PDS5A: variants seen among roughly 807,000 people sequenced by gnomAD.
PDS5A encodes the protein PDS5 cohesin associated factor A.
In PDS5A, 42 loss-of-function variants were observed where a neutral mutation model predicts 167.1. The ratio of observed to expected loss-of-function variants is 0.25; its 90% CI spans 0.20 to 0.33. The LOEUF is 0.33. Among genes scored for constraint, PDS5A ranks in the 10% least tolerant of loss-of-function variants. The probability of loss-of-function intolerance (pLI) is 1.00; values close to 1 mark genes in which losing one functional copy is unlikely to be tolerated. For synonymous variants in PDS5A, 553 were observed against 554.6 expected (o/e 1.00, Z 0.04); for missense variants, 1,033 against 1,605.9 (o/e 0.64, Z 6.10).
rs529889514 is a variant in PDS5A at position 39,837,481 on chromosome 4, T to C, written c.4010+375A>G. Reference sequence around the variant, plus strand: ...ATTAAAGAGTGGGACCTATTACCTATTGACATTTCGTGACTGTTTTCTCCA... The same window carrying C: ...ATTAAAGAGTGGGACCTATTACCTACTGACATTTCGTGACTGTTTTCTCCA... On this transcript the variant is annotated intron_variant, in intron 32 of 32. Transcript: ENST00000303538. 1.8e-4 allele frequency: 36 copies of C among 196,572 alleles called. 1 individual carries two copies. In the South Asian group the frequency reaches 3.2e-3, roughly 18 times the overall value. 12.2% of individuals were successfully genotyped at this position (196,572 alleles called of 1,614,324 possible). A position where few individuals can be genotyped will look rare whatever the true frequency, so the allele number is the denominator to read the frequency against.
At chr4:39,973,191 GGCTTGTAATATA>G (rs1324886453) in intron 2 of PDS5A, 1 of 1,173,642 alleles carries the variant, frequency 8.5e-7, no homozygotes, top group African/African-American at 1.5e-5. Context: ...TAGCTTGGTG[GGCTTGTAATATA>G]GCTAGCTTCA....
chr4:39,862,783 T>C (rs937384639), intron 25 of PDS5A, 86 bp downstream of exon 25: 2 of 779,056 alleles, frequency 2.6e-6, no homozygotes, highest in South Asian at 3.4e-5. Context: ...TAAACTATAA[T>C]AGAAACACAT....
At chr4:39,923,916 A>G (rs1467307681) in intron 5 of PDS5A, among the ~76,000 whole-genome samples, 1 of 152,166 alleles carries the variant, frequency 6.6e-6, no homozygotes, top group Admixed American at 6.6e-5. Context: ...TTAACTCACC[A>G]ATACTGAAAA....
At chr4:39,838,953 A>ACT (rs757169569) in intron 31 of PDS5A, among the ~76,000 whole-genome samples, 2 of 151,966 alleles carry the variant, frequency 1.3e-5, no homozygotes, top group Non-Finnish European at 2.9e-5. Context: ...GCACCATTGT[A>ACT]CTCCAGCCTG....
intron 2 of PDS5A, among the ~76,000 whole-genome samples, chr4:39,968,455 A>T (rs112588122): frequency 0.038 from 5,527 of 145,778 alleles, 348 homozygotes; most frequent in African/African-American, 0.13. Flanking sequence ...TTTTTGAGAC[A>T]GAGTTTCACT....
intron 26 of PDS5A, among the ~76,000 whole-genome samples, chr4:39,851,091 C>G (rs1276263794): frequency 1.3e-5 from 2 of 152,118 alleles, no homozygotes; most frequent in Admixed American, 6.5e-5. Context: ...GTTGTCAACT[C>G]TACTTAGATA....
chr4:39,842,127 A>G, intron 30 of PDS5A, 71 bp from the exon 31 acceptor site: 3 of 971,810 alleles, frequency 3.1e-6, no homozygotes, highest in African/African-American at 3.2e-5. Context: ...CCGTACCAAT[A>G]AAGAAAGGCT....
At chr4:39,848,706 G>A in intron 28 of PDS5A, 145 bp downstream of exon 28, 1 of 665,844 alleles carries the variant, frequency 1.5e-6, no homozygotes. Context: ...TCAGGGCTGT[G>A]TAAGACAATT....
At chr4:39,885,315 A>G (rs1182619331) in intron 17 of PDS5A, among the ~76,000 whole-genome samples, 2 of 148,696 alleles carry the variant, frequency 1.3e-5, no homozygotes, top group Non-Finnish European at 3.0e-5. Context: ...AGAAGAGAAA[A>G]AAAACTTCGG....
intron 28 of PDS5A, chr4:39,847,381 T>A (rs1397378656): frequency 6.6e-6 from 1 of 152,098 alleles, no homozygotes; most frequent in Non-Finnish European, 1.5e-5. Context: ...TGGAGGTGGG[T>A]TGATCACTTG....
At chr4:39,931,675 C>A (rs1362472081) in intron 2 of PDS5A, among the ~76,000 whole-genome samples, 1 of 152,122 alleles carries the variant, frequency 6.6e-6, no homozygotes, top group African/African-American at 2.4e-5. Context: ...CAGTCTTTTA[C>A]GACCTAACCT....
chr4:39,966,762 C>T (rs1479153364), intron 2 of PDS5A, among the ~76,000 whole-genome samples: 2 of 152,190 alleles, frequency 1.3e-5, no homozygotes, highest in East Asian at 1.9e-4. Flanking sequence ...CTTTGGGAGG[C>T]CAAGCTGGGT....
intron 2 of PDS5A, among the ~76,000 whole-genome samples, chr4:39,930,246 A>AAAAAAAAT: frequency 2.1e-5 from 2 of 93,084 alleles, no homozygotes; most frequent in African/African-American, 3.7e-5. Context: ...AAAAAAAAAA[A>AAAAAAAAT]GTTTTTTTGT....
rs141106155 is a variant in PDS5A at position 39,949,056 on chromosome 4, T to C, written c.139-20892A>G. Among the ~76,000 whole-genome samples the C allele has an allele frequency of 4.7e-3, 711 of 151,818 alleles. 8 individuals are homozygous for C. The highest frequency in any genetic ancestry group is 0.016 in the African/African-American group (671 of 41,384). ...GCTCACACCTGTAATCACAGTACTT[T>C]GGGAGACCAAGGCCAGAGATCACCT... On this transcript the variant is annotated intron_variant, in intron 2 of 32. Coordinates refer to ENST00000303538, the MANE Select transcript of PDS5A (RefSeq NM_001100399.2).
At position 39,881,278 on chromosome 4, in the gene PDS5A, C is replaced by T. The variant is rs191309899; in HGVS notation, c.1887-1445G>A. The stretch of plus-strand genomic sequence containing the variant: ...AATAATAATGAGTATACGGATATCC[C>T]TGATAAACTTATTTCTTTTGGATGT... On this transcript the variant is annotated intron_variant, in intron 17 of 32. Coordinates refer to ENST00000303538, the MANE Select transcript of PDS5A (RefSeq NM_001100399.2). Among the ~76,000 whole-genome samples, 124 of 151,998 alleles carry T rather than the reference C, an allele frequency of 8.2e-4. 1 individual carries two copies. Among genetic ancestry groups the T allele is most frequent in the African/African-American group, 2.9e-3 (120 of 41,486 alleles).
At chr4:39,840,642 T>C (rs1351101741) in intron 31 of PDS5A, among the ~76,000 whole-genome samples, 2 of 150,872 alleles carry the variant, frequency 1.3e-5, no homozygotes, top group Non-Finnish European at 3.0e-5. Context: ...GCGATTTGCC[T>C]GCCTCGGCCT....
intron 16 of PDS5A, among the ~76,000 whole-genome samples, chr4:39,893,948 A>T (rs1578685636): frequency 6.6e-6 from 1 of 152,210 alleles, no homozygotes; most frequent in Non-Finnish European, 1.5e-5. Context: ...CAGTGTTGGG[A>T]TTACAACAGT....
chr4:39,845,885 TA>T lies in PDS5A; in HGVS notation c.3340-6del, dbSNP rs530938310. ...ACTCTTATCGTTACAGAAGTCCTATTAAAAAAAAAAAAGAAAAAGAAAAAAG... is the reference window on the plus strand; with the variant it reads ...ACTCTTATCGTTACAGAAGTCCTATTAAAAAAAAAAAGAAAAAGAAAAAAG... On this transcript the variant is annotated splice_region_variant and splice_polypyrimidine_tract_variant and intron_variant, in intron 28 of 32. Transcript: ENST00000303538. 40,251 of 852,746 alleles carry T rather than the reference TA, an allele frequency of 0.047. 13 individuals are homozygous for T. The highest frequency in any genetic ancestry group is 0.081 in the South Asian group (2,982 of 36,840). 52.8% of individuals were successfully genotyped at this position (852,746 alleles called of 1,614,324 possible). A position where few individuals can be genotyped will look rare whatever the true frequency, so the allele number is the denominator to read the frequency against.
At chr4:39,846,612 G>A (rs973279157) in intron 28 of PDS5A, 7 of 152,192 alleles carry the variant, frequency 4.6e-5, no homozygotes, top group Admixed American at 2.0e-4. Context: ...ATAGCACTTT[G>A]AGAGTTATAT....
Sources: allele counts gnomAD v4.1 joint callset (sites outside exome capture counted in the v4.1 genomes callset), GRCh38; gene constraint gnomAD v4.1.1; transcripts MANE v1.5; gene names NCBI Gene and HGNC (gene_info 2026-07-23, HGNC 2026-07-21).